Variants in LRR1 observed in about 807,000 individuals in gnomAD.
The protein encoded by LRR1 is leucine-rich repeat protein 1.
A neutral mutation model predicts 31.6 loss-of-function variants in LRR1; 29 were observed. That is an observed-to-expected ratio of 0.92 (90% CI 0.68 to 1.25). The LOEUF (loss-of-function observed/expected upper bound fraction) is 1.25, where lower values mean the gene tolerates loss of function less well. LRR1 is among the 50% of genes most tolerant of loss of function. LRR1 has a pLI of 0.00. For synonymous variants in LRR1, 179 were observed against 181.4 expected, an observed-to-expected ratio of 0.99 and a Z score of 0.10; for missense variants, 485 against 487.2, an observed-to-expected ratio of 1.00 and a Z score of 0.04.
chr14:49,600,597 G>A (rs1201689790), intron 1 of LRR1: 14 of 1,549,814 alleles, frequency 9.0e-6, no homozygotes, highest in African/African-American at 1.4e-5. Context: ...TGTATAAACT[G>A]TTGTTTAATT....
At chr14:49,608,749 T>C (rs953298942) in intron 3 of LRR1, among the ~76,000 whole-genome samples, 2 of 151,912 alleles carry the variant, frequency 1.3e-5, no homozygotes, top group East Asian at 1.9e-4. Context: ...AATCAGAAAC[T>C]GAGAGTGGGG....
rs1566498713 is a variant in LRR1, at chr14:49,613,636, G to A, written c.1005-620G>A. Among the ~76,000 whole-genome samples the A allele has an allele frequency of 2.0e-5, 3 of 151,320 alleles. No individual in the cohort carries two copies. In the Admixed American group the frequency reaches 2.0e-4, roughly 10 times the overall value. Reference sequence around the variant, plus strand: ...AGCCTGGCCAACATGGTGAAACCTCGTCTCTACTAAAAATACAATGCAAAA... The same window carrying A: ...AGCCTGGCCAACATGGTGAAACCTCATCTCTACTAAAAATACAATGCAAAA... On this transcript the variant is annotated intron_variant, in intron 3 of 3. Transcript: ENST00000298288.
At chr14:49,606,918 A>G (rs1882308032) in intron 2 of LRR1, among the ~76,000 whole-genome samples, 1 of 152,216 alleles carries the variant, frequency 6.6e-6, no homozygotes, top group Non-Finnish European at 1.5e-5. Context: ...CGGCCTCCCA[A>G]AGTGCTGGGA....
At position 49,599,144 on chromosome 14, in the gene LRR1, C is replaced by T. The variant is rs372046185; in HGVS notation, c.124C>T (p.Pro42Ser). 6.2e-6 allele frequency: 10 copies of T among 1,608,702 alleles called. No individual in the cohort carries two copies. The highest frequency in any genetic ancestry group is 4.0e-5 in the African/African-American group (3 of 74,892). The change falls in exon 1 of 4, where the codon CCG becomes TCG. Residue 42 changes from proline to serine, a missense_variant. By Grantham distance (74) the Pro-to-Ser change is moderately conservative (BLOSUM62 -1). Transcript: ENST00000298288. ...LCQQTSRSQPPVRAFLLISTL... is the reference protein window; with the variant it reads ...LCQQTSRSQPSVRAFLLISTL... ...TCAGCAGACTTCCAGGAGTCAGCCGCCGGTCCGAGCCTTCCTGCTCATCTC... is the reference window on the plus strand; with the variant it reads ...TCAGCAGACTTCCAGGAGTCAGCCGTCGGTCCGAGCCTTCCTGCTCATCTC...
At chr14:49,602,142 T>G (rs1392915682) in intron 1 of LRR1, among the ~76,000 whole-genome samples, 2 of 6,978 alleles carry the variant, frequency 2.9e-4, no homozygotes, top group Non-Finnish European at 1.2e-3. Flanking sequence ...AAAAACAACT[T>G]TTTTTTTTTT....
intron 3 of LRR1, chr14:49,612,609 A>G: frequency 9.0e-7 from 1 of 1,114,646 alleles, no homozygotes; most frequent in South Asian, 2.1e-5. Context: ...GGGCCATCCT[A>G]GATCCCGTAC....
intron 3 of LRR1, among the ~76,000 whole-genome samples, chr14:49,608,406 ATTTTTTTTTTTTTTTTTTTTTT>A (rs71408651): frequency 0.022 from 456 of 21,110 alleles, 6 homozygotes; most frequent in East Asian, 0.19. Flanking sequence ...ACATTGCTTG[ATTTTTTTTTTTTTTTTTTTTTT>A]TTTTTTTTTT....
At position 49,604,076 on chromosome 14, in the gene LRR1, G is replaced by A. The variant is rs1231818891; in HGVS notation, c.282+1608G>A. Among the ~76,000 whole-genome samples, 5 of 151,554 alleles carry A rather than the reference G, an allele frequency of 3.3e-5. No individual in the cohort carries two copies. In the East Asian group the frequency reaches 7.9e-4, roughly 24 times the overall value. ...CCAGCACTTTGGAAGGCCAAGACTGGTGGATCACTTGCTCTCAGGAGTTCA... is the reference window on the plus strand; with the variant it reads ...CCAGCACTTTGGAAGGCCAAGACTGATGGATCACTTGCTCTCAGGAGTTCA... On this transcript the variant is annotated intron_variant, in intron 2 of 3. Coordinates refer to ENST00000298288, the MANE Select transcript of LRR1 (RefSeq NM_152329.4).
At position 49,608,127 on chromosome 14, in the gene LRR1, A is replaced by G; in HGVS notation, c.1004+6A>G. 1 of 1,542,812 alleles carries G rather than the reference A, an allele frequency of 6.5e-7. No individual in the cohort carries two copies. The highest frequency in any genetic ancestry group is 8.7e-7 in the Non-Finnish European group (1 of 1,152,480). The stretch of plus-strand genomic sequence containing the variant: ...CGAACCATATTACATAATAGGTAAG[A>G]TTTTAATAGTCATGTAATGTGGTGT... On this transcript the variant is annotated splice_donor_region_variant and intron_variant, in intron 3 of 3. Coordinates refer to ENST00000298288, the MANE Select transcript of LRR1 (RefSeq NM_152329.4).
chr14:49,606,948 C>A (rs1009694842), intron 2 of LRR1, among the ~76,000 whole-genome samples: 1 of 152,148 alleles, frequency 6.6e-6, no homozygotes. Flanking sequence ...TGAGCCACTG[C>A]GCCCCACCTA....
intron 1 of LRR1, chr14:49,601,071 G>T: frequency 6.2e-7 from 1 of 1,611,410 alleles, no homozygotes; most frequent in Admixed American, 1.7e-5. Context: ...AAATAACAAG[G>T]CCAGCCACGT....
intron 3 of LRR1, among the ~76,000 whole-genome samples, chr14:49,612,098 GA>G (rs1481182146): frequency 6.6e-6 from 1 of 152,088 alleles, no homozygotes; most frequent in Non-Finnish European, 1.5e-5. Flanking sequence ...AAGTTGGAAG[GA>G]AAAAAATAGA....
chr14:49,608,140 TG>T lies in LRR1; in HGVS notation c.1004+20del. 1 of 1,522,550 alleles carries T rather than the reference TG, an allele frequency of 6.6e-7. No individual in the cohort carries two copies. Among genetic ancestry groups the T allele is most frequent in the South Asian group, 1.3e-5 (1 of 75,638 alleles). The allele number at this position is 1,522,550 out of a possible 1,614,324, so 94.3% of individuals were successfully genotyped here. A position where few individuals can be genotyped will look rare whatever the true frequency, so the allele number is the denominator to read the frequency against. ...ATAATAGGTAAGATTTTAATAGTCA[TG>T]TAATGTGGTGTCTTTGATAGCATTC... is the stretch of plus-strand genomic sequence containing the variant. On this transcript the variant is annotated intron_variant, in intron 3 of 3. Transcript: ENST00000298288.
chr14:49,599,075 C>G lies in LRR1; in HGVS notation c.55C>G (p.Leu19Val), dbSNP rs765125742. 1 of 1,609,258 alleles carries G rather than the reference C, an allele frequency of 6.2e-7. No homozygotes were observed. Among genetic ancestry groups the G allele is most frequent in the African/African-American group, 1.3e-5 (1 of 74,872 alleles). The change falls in exon 1 of 4, where the codon CTT becomes GTT. Residue 19 changes from leucine to valine, a missense_variant. By Grantham distance (32) the Leu-to-Val change is conservative. Transcript: ENST00000298288. Reference sequence around the variant, plus strand: ...CAGCCGGCACTTGCCCGCCTTGGGGCTTAGGAACCGGGGCAAGGGCGTCCG... The same window carrying G: ...CAGCCGGCACTTGCCCGCCTTGGGGGTTAGGAACCGGGGCAAGGGCGTCCG... ...VISRHLPALG[L>V]RNRGKGVRAV...
intron 2 of LRR1, 32 bp downstream of exon 2, chr14:49,602,500 T>G: frequency 1.9e-6 from 3 of 1,544,638 alleles, no homozygotes; most frequent in Non-Finnish European, 2.7e-6. Context: ...TGATTAATAT[T>G]TGGCTGTATT....
intron 1 of LRR1, chr14:49,600,437 A>G: frequency 1.2e-6 from 2 of 1,601,528 alleles, no homozygotes; most frequent in Non-Finnish European, 1.7e-6. Context: ...TGGAACAAGG[A>G]CAGAAACTAG....
intron 3 of LRR1, among the ~76,000 whole-genome samples, chr14:49,610,440 A>C (rs915696562): frequency 2.6e-5 from 4 of 151,136 alleles, no homozygotes; most frequent in Non-Finnish European, 5.9e-5. Context: ...TTTTTAGTAG[A>C]GATGGGGTTT....
At chr14:49,603,266 T>C (rs976761823) in intron 2 of LRR1, among the ~76,000 whole-genome samples, 5 of 152,298 alleles carry the variant, frequency 3.3e-5, no homozygotes, top group Middle Eastern at 6.8e-3. Context: ...TTCCCAAATA[T>C]GCTTGTGTGC....
At chr14:49,606,201 A>G (rs933426536) in intron 2 of LRR1, among the ~76,000 whole-genome samples, 2 of 151,424 alleles carry the variant, frequency 1.3e-5, no homozygotes, top group African/African-American at 2.4e-5. Context: ...TAATTTTTAT[A>G]TTTTTAGTAG....
Sources: allele counts gnomAD v4.1 joint callset (sites outside exome capture counted in the v4.1 genomes callset), GRCh38; gene constraint gnomAD v4.1.1; transcripts MANE v1.5; gene names NCBI Gene and HGNC (gene_info 2026-07-23, HGNC 2026-07-21).